Variants in HPS5 observed in about 807,000 individuals in gnomAD.
HPS5 encodes HPS5 biogenesis of lysosomal organelles complex 2 subunit 2, also known as BLOC-2 complex member HPS5.
HPS5 carries 83 observed loss-of-function variants against 128.0 expected under a neutral mutation model. That is an observed-to-expected ratio of 0.65 (90% CI 0.54 to 0.78). HPS5 has a LOEUF of 0.78. HPS5 is among the 30% of genes least tolerant of loss of function. HPS5 has a pLI of 0.00. For synonymous variants in HPS5, 475 were observed against 470.2 expected (o/e 1.01, Z -0.13); for missense variants, 1,281 against 1,326.2 (o/e 0.97, Z 0.53).
chr11:18,311,605 G>T (rs1331349537), intron 3 of HPS5, 154 bp from the exon 4 acceptor site: 1 of 556,424 alleles, frequency 1.8e-6, no homozygotes, highest in Non-Finnish European at 3.2e-6. Flanking sequence ...CCACTTCCTG[G>T]GTTCAAGCGA....
At chr11:18,309,334 A>C (rs1191078654) in intron 5 of HPS5, among the ~76,000 whole-genome samples, 2 of 152,238 alleles carry the variant, frequency 1.3e-5, no homozygotes, top group Non-Finnish European at 2.9e-5. Context: ...GTTAGAACGA[A>C]AAAGATGAAG....
In HPS5 at chr11:18,287,658, C is replaced by T. The variant is rs745438305; in HGVS notation, c.2594G>A (p.Arg865Gln). 5 of 1,613,932 alleles carry T rather than the reference C, an allele frequency of 3.1e-6. No homozygotes were observed. Among genetic ancestry groups the T allele is most frequent in the East Asian group, 2.2e-5 (1 of 44,878 alleles). ...LYEKFGESAL[R>Q]SLIKFFPSIL... ...GGATGGAAAGAACTTGATTAAGGAT[C>T]GAAGAGCAGACTCCCCAAACTTTTC... Residue 865 changes from arginine to glutamine, a missense_variant, in exon 18 of 23, where the codon CGA (arginine) becomes CAA (glutamine). Physicochemically the swap from Arg to Gln is conservative, Grantham distance 43. Coordinates refer to ENST00000349215, the MANE Select transcript of HPS5 (RefSeq NM_181507.2).
At chr11:18,313,176 T>C (rs375338134) in intron 2 of HPS5, among the ~76,000 whole-genome samples, 6 of 152,060 alleles carry the variant, frequency 3.9e-5, no homozygotes, top group African/African-American at 1.4e-4. Context: ...AGGAAGTACA[T>C]AGTTCTTTGA....
chr11:18,285,542 G>C (rs1859597537), intron 19 of HPS5, 83 bp from the exon 20 acceptor site: 7 of 898,092 alleles, frequency 7.8e-6, no homozygotes, highest in Admixed American at 2.0e-5. Context: ...GGTAAGAATA[G>C]AGTTTAACTG....
intron 18 of HPS5, among the ~76,000 whole-genome samples, chr11:18,287,299 T>C (rs1306140113): frequency 6.6e-6 from 1 of 152,194 alleles, no homozygotes; most frequent in Non-Finnish European, 1.5e-5. Flanking sequence ...AAGGGATTAA[T>C]TTTGCACTGA....
In HPS5 at chr11:18,293,056, C is replaced by CT. The variant is rs1456207226; in HGVS notation, c.1785-81dup. The CT allele has an allele frequency of 3.7e-6, 4 of 1,076,628 alleles. No homozygotes were observed. The African/African-American group carries it at 6.2e-5, about 17-fold the overall frequency. 66.7% of individuals were successfully genotyped at this position (1,076,628 alleles called of 1,614,324 possible). A position where few individuals can be genotyped will look rare whatever the true frequency, so the allele number is the denominator to read the frequency against. ...GCTTTTTTTGAGACAGGGTCTCACTCTGTCACCCAGGCTGCAGTGCAGTGA... is the reference window on the plus strand; with the variant it reads ...GCTTTTTTTGAGACAGGGTCTCACTCTTGTCACCCAGGCTGCAGTGCAGTGA... On this transcript the variant is annotated intron_variant, in intron 14 of 22. Coordinates refer to ENST00000349215, the MANE Select transcript of HPS5 (RefSeq NM_181507.2).
intron 8 of HPS5, among the ~76,000 whole-genome samples, chr11:18,303,408 G>C (rs1253190877): frequency 6.6e-6 from 1 of 152,184 alleles, no homozygotes; most frequent in Non-Finnish European, 1.5e-5. Context: ...AAGCCTCTTT[G>C]AGGAATCAGC....
rs754269779 is a variant in HPS5, at chr11:18,296,116, A to G, written c.1517T>C (p.Val506Ala). The G allele has an allele frequency of 8.1e-5, 130 of 1,613,496 alleles. No homozygotes were observed. The South Asian group carries it at 1.2e-3, about 15-fold the overall frequency. The change falls in exon 13 of 23, where the codon GTT becomes GCT. Residue 506 changes from valine (V) to alanine (A), a missense_variant. Physicochemically the swap from Val to Ala is moderately conservative, Grantham distance 64 (BLOSUM62 0). Transcript: ENST00000349215. ...CCGSHGNEDN[V>A]SHAPVMFETD... ...CTCAAACATCACTGGAGCATGAGAA[A>G]CATTGTCTAATGAATGGAATCAGGA...
At chr11:18,310,707 C>G in intron 5 of HPS5, 34 bp downstream of exon 5, 3 of 1,477,546 alleles carry the variant, frequency 2.0e-6, no homozygotes, top group Non-Finnish European at 2.8e-6. Flanking sequence ...CCTTGTATCT[C>G]ACTACATACA....
chr11:18,319,568 G>A (rs1864062764), intron 1 of HPS5, among the ~76,000 whole-genome samples: 1 of 152,086 alleles, frequency 6.6e-6, no homozygotes, highest in Non-Finnish European at 1.5e-5. Context: ...AGATAAAGCT[G>A]GAATCTTAAT....
At chr11:18,296,351 C>G (rs898139444) in intron 12 of HPS5, 1 of 564,854 alleles carries the variant, frequency 1.8e-6, no homozygotes, top group African/African-American at 1.9e-5. Flanking sequence ...CCCTGAGTCC[C>G]CATAAGTCAA....
intron 10 of HPS5, 128 bp from the exon 11 acceptor site, chr11:18,297,845 C>A: frequency 1.2e-6 from 1 of 858,148 alleles, no homozygotes; most frequent in South Asian, 1.4e-5. Context: ...TCTGGGAGGC[C>A]GAGGCGGGCA....
At chr11:18,296,441 A>G (rs1861077144) in intron 12 of HPS5, 1 of 551,660 alleles carries the variant, frequency 1.8e-6, no homozygotes, top group Non-Finnish European at 3.2e-6. Context: ...AAGGAAGGCA[A>G]TGACCCCCAA....
rs1860414044 is a variant in HPS5 at position 18,291,604 on chromosome 11, G to A, written c.2278C>T (p.His760Tyr). The change falls in exon 16 of 23, where the codon CAT becomes TAT. Residue 760 changes from histidine (H) to tyrosine (Y), a missense_variant. Coordinates refer to ENST00000349215, the MANE Select transcript of HPS5 (RefSeq NM_181507.2). Reference protein sequence around the residue: ...LNSKIKSTSGHVDHTLQQYSP... With the variant: ...LNSKIKSTSGYVDHTLQQYSP... ...TACTGTTGCAAAGTGTGGTCCACATGTCCACTGGTGCTTTTGATCTTAGAA... is the reference window on the plus strand; with the variant it reads ...TACTGTTGCAAAGTGTGGTCCACATATCCACTGGTGCTTTTGATCTTAGAA... 1 of 1,613,956 alleles carries A rather than the reference G, an allele frequency of 6.2e-7. No individual in the cohort carries two copies. The highest frequency in any genetic ancestry group is 1.3e-5 in the African/African-American group (1 of 74,940).
rs184765106 is a variant in HPS5 at position 18,299,174 on chromosome 11, A to G, written c.986-204T>C. On this transcript the variant is annotated intron_variant, in intron 9 of 22. Coordinates refer to ENST00000349215, the MANE Select transcript of HPS5 (RefSeq NM_181507.2). ...AAAAGATCAAGAATAAAAGATGTGA[A>G]GAAAGAACTATATCTCTCTGACCTA... Among the ~76,000 whole-genome samples the G allele has an allele frequency of 4.8e-4, 73 of 152,354 alleles. No individual in the cohort carries two copies. In the East Asian group the frequency reaches 0.011, roughly 23 times the overall value.
At chr11:18,319,677 G>A (rs1864075698) in intron 1 of HPS5, among the ~76,000 whole-genome samples, 1 of 152,130 alleles carries the variant, frequency 6.6e-6, no homozygotes, top group African/African-American at 2.4e-5. Flanking sequence ...GTGTTGGGAG[G>A]TCACACAATT....
At chr11:18,301,454 C>CAAAAAAAAAAA (rs899074500) in intron 8 of HPS5, among the ~76,000 whole-genome samples, 1 of 52,098 alleles carries the variant, frequency 1.9e-5, no homozygotes, top group Non-Finnish European at 4.0e-5. Flanking sequence ...GACTCTGTCT[C>CAAAAAAAAAAA]AAAAAAAAAA....
rs1228458349 is a variant in HPS5, at chr11:18,322,072, A to T, written c.-176T>A. 6.6e-6 allele frequency: 1 copy of T among 152,552 alleles called. No individual in the cohort carries two copies. The highest frequency in any genetic ancestry group is 1.5e-5 in the Non-Finnish European group (1 of 68,238). The allele number at this position is 152,552 out of a possible 1,614,324, so 9.4% of individuals were successfully genotyped here. On this transcript the variant is annotated 5_prime_UTR_variant, in exon 1 of 23. Coordinates refer to ENST00000349215, the MANE Select transcript of HPS5 (RefSeq NM_181507.2). Reference sequence around the variant, plus strand: ...AGCCCAGCTCCACCACATCCAGGGCAGTACCTCGCAGCTCTCAGTAGATCG... The same window carrying T: ...AGCCCAGCTCCACCACATCCAGGGCTGTACCTCGCAGCTCTCAGTAGATCG...
chr11:18,296,743 G>T, intron 12 of HPS5, 55 bp downstream of exon 12: 2 of 1,469,002 alleles, frequency 1.4e-6, no homozygotes, highest in Non-Finnish European at 1.9e-6. Context: ...GGTAACAGGA[G>T]CTCGTGGAAA....
Sources: allele counts gnomAD v4.1 joint callset (sites outside exome capture counted in the v4.1 genomes callset), GRCh38; gene constraint gnomAD v4.1.1; transcripts MANE v1.5; gene names NCBI Gene and HGNC (gene_info 2026-07-23, HGNC 2026-07-21).